Variants in TBC1D32 observed in about 807,000 individuals in gnomAD.
TBC1D32 encodes protein broad-minded.
In TBC1D32, 151 loss-of-function variants were observed where a neutral mutation model predicts 170.3. The observed-to-expected ratio is 0.89, with a 90% CI of 0.78 to 1.01. The LOEUF (loss-of-function observed/expected upper bound fraction) is 1.01, where lower values mean the gene tolerates loss of function less well. Among genes scored for constraint, TBC1D32 ranks in the 50% least tolerant of loss-of-function variants. The pLI is 0.00. For missense variants in TBC1D32, 1,464 were observed against 1,457.1 expected (o/e 1.00, Z -0.08); for synonymous variants, 498 against 488.0 (o/e 1.02, Z -0.27).
chr6:121,141,991 CT>C (rs1392503017), intron 24 of TBC1D32, among the ~76,000 whole-genome samples: 1 of 152,322 alleles, frequency 6.6e-6, no homozygotes, highest in Admixed American at 6.5e-5. Flanking sequence ...CTAAAACCGA[CT>C]TTTGATCATT....
intron 22 of TBC1D32, among the ~76,000 whole-genome samples, chr6:121,161,437 G>T (rs1167318541): frequency 6.6e-6 from 1 of 151,650 alleles, no homozygotes. Flanking sequence ...CCACTTATAA[G>T]TGAGAACATA....
intron 17 of TBC1D32, among the ~76,000 whole-genome samples, chr6:121,243,028 G>A (rs1368457975): frequency 2.0e-5 from 3 of 151,134 alleles, no homozygotes; most frequent in Non-Finnish European, 4.4e-5. Flanking sequence ...TAATGTCTTA[G>A]GAATAACCAC....
intron 22 of TBC1D32, among the ~76,000 whole-genome samples, chr6:121,185,324 G>A (rs187968102): frequency 7.1e-6 from 1 of 140,962 alleles, no homozygotes; most frequent in East Asian, 2.3e-4. Context: ...TTGTGAATGT[G>A]AGTCATATGC....
In TBC1D32 at chr6:121,275,571, G is replaced by A. The variant is rs558938657; in HGVS notation, c.1733+3550C>T. Reference sequence around the variant, plus strand: ...CAAAACAAGATCTTTCATTCATTAGGTTGCCAAAACATTTACAAACTGATT... The same window carrying A: ...CAAAACAAGATCTTTCATTCATTAGATTGCCAAAACATTTACAAACTGATT... On this transcript the variant is annotated intron_variant, in intron 15 of 31. Coordinates refer to ENST00000398212, the MANE Select transcript of TBC1D32 (RefSeq NM_152730.6). 2.0e-5 allele frequency among the ~76,000 whole-genome samples: 3 copies of A among 152,144 alleles called. No individual in the cohort carries two copies. The South Asian group carries it at 6.2e-4, about 32-fold the overall frequency.
rs142659390 is a variant in TBC1D32, at chr6:121,251,142, T to A, written c.2018+4186A>T. On this transcript the variant is annotated intron_variant, in intron 17 of 31. Coordinates refer to ENST00000398212, the MANE Select transcript of TBC1D32 (RefSeq NM_152730.6). ...ATAGGAAGAATCAATATTGTGAAAA[T>A]GGTCATACTGCCCAAAGTTATTTGA... Among the ~76,000 whole-genome samples the A allele has an allele frequency of 8.8e-3, 1,343 of 152,096 alleles. 25 individuals are homozygous for A. The highest frequency in any genetic ancestry group is 0.031 in the African/African-American group (1,270 of 41,484).
intron 4 of TBC1D32, among the ~76,000 whole-genome samples, chr6:121,308,383 G>A (rs1214923786): frequency 6.6e-6 from 1 of 151,954 alleles, no homozygotes; most frequent in Non-Finnish European, 1.5e-5. Flanking sequence ...GAGGAAGAAT[G>A]GTAGTTGAAT....
chr6:121,098,600 G>A (rs1777685676), intron 30 of TBC1D32, among the ~76,000 whole-genome samples: 1 of 152,012 alleles, frequency 6.6e-6, no homozygotes, highest in Non-Finnish European at 1.5e-5. Context: ...GCAAAACACT[G>A]TGTCAGAAAA....
At chr6:121,334,227 C>G in intron 1 of TBC1D32, 49 bp downstream of exon 1, 2 of 1,524,336 alleles carry the variant, frequency 1.3e-6, no homozygotes, top group Non-Finnish European at 1.8e-6. Context: ...TCTCTGGACC[C>G]TCTCTGGATC....
intron 22 of TBC1D32, among the ~76,000 whole-genome samples, chr6:121,202,804 T>C (rs1413861074): frequency 6.6e-6 from 1 of 151,282 alleles, no homozygotes; most frequent in Non-Finnish European, 1.5e-5. Flanking sequence ...TCATTTACAA[T>C]GTAAGATTTG....
intron 17 of TBC1D32, among the ~76,000 whole-genome samples, chr6:121,253,705 C>A (rs1014918862): frequency 1.3e-5 from 2 of 151,546 alleles, no homozygotes; most frequent in Non-Finnish European, 2.9e-5. Context: ...GGCGACAGAG[C>A]GAGATTCCGT....
chr6:121,129,126 A>G (rs1458760511), intron 25 of TBC1D32, among the ~76,000 whole-genome samples: 1 of 152,184 alleles, frequency 6.6e-6, no homozygotes, highest in Non-Finnish European at 1.5e-5. Context: ...AATGATTATA[A>G]ATTACCCAAC....
intron 15 of TBC1D32, among the ~76,000 whole-genome samples, chr6:121,269,409 G>A (rs553747196): frequency 1.3e-5 from 2 of 151,140 alleles, no homozygotes; most frequent in Non-Finnish European, 3.0e-5. Flanking sequence ...ATAAAGGGAT[G>A]GAGGAAGATC....
At position 121,080,561 on chromosome 6, in the gene TBC1D32, G is replaced by T; in HGVS notation, c.*210C>A. The T allele has an allele frequency of 1.8e-6, 1 of 567,642 alleles. No homozygotes were observed. The highest frequency in any genetic ancestry group is 3.2e-5 in the South Asian group (1 of 31,632). The allele number at this position is 567,642 out of a possible 1,614,324, so 35.2% of individuals were successfully genotyped here. On this transcript the variant is annotated 3_prime_UTR_variant, in exon 32 of 32. Coordinates refer to ENST00000398212, the MANE Select transcript of TBC1D32 (RefSeq NM_152730.6). ...TAAGAACTAAAAGTAAGCTAGATCTGATTCTATAATAACCTTACAAAACAA... is the reference window on the plus strand; with the variant it reads ...TAAGAACTAAAAGTAAGCTAGATCTTATTCTATAATAACCTTACAAAACAA...
Position 121,083,062 on chromosome 6 carries a change from A to C in TBC1D32, c.3655-2172T>G, listed in dbSNP as rs369815957. Among the ~76,000 whole-genome samples the C allele has an allele frequency of 9.2e-5, 14 of 152,052 alleles. No individual in the cohort carries two copies. The East Asian group carries it at 1.9e-3, about 21-fold the overall frequency. ...CTAAATGTTCTCTAATGGCCTTTTTAGTGGATAACTTTTACTTGTAATTAT... is the reference window on the plus strand; with the variant it reads ...CTAAATGTTCTCTAATGGCCTTTTTCGTGGATAACTTTTACTTGTAATTAT... On this transcript the variant is annotated intron_variant, in intron 31 of 31. Coordinates refer to ENST00000398212, the MANE Select transcript of TBC1D32 (RefSeq NM_152730.6).
chr6:121,203,756 T>C (rs1251877362), intron 22 of TBC1D32, among the ~76,000 whole-genome samples: 2 of 151,376 alleles, frequency 1.3e-5, no homozygotes, highest in Admixed American at 6.6e-5. Context: ...CTAACCACCA[T>C]ACTGCACTAT....
intron 20 of TBC1D32, among the ~76,000 whole-genome samples, chr6:121,234,415 T>A (rs984146700): frequency 9.2e-5 from 14 of 152,024 alleles, no homozygotes; most frequent in Non-Finnish European, 1.9e-4. Context: ...TTTTTAAAAA[T>A]TTTTTTCTTT....
At chr6:121,139,575 C>T (rs555759602) in intron 24 of TBC1D32, among the ~76,000 whole-genome samples, 6 of 151,850 alleles carry the variant, frequency 4.0e-5, no homozygotes, top group Admixed American at 3.9e-4. Flanking sequence ...AATTGTTAAA[C>T]AAAATCAGTA....
At chr6:121,233,235 G>A (rs1293150328) in intron 20 of TBC1D32, among the ~76,000 whole-genome samples, 2 of 151,942 alleles carry the variant, frequency 1.3e-5, no homozygotes, top group Non-Finnish European at 2.9e-5. Flanking sequence ...TTTGTTCTAC[G>A]GTATAGTTTA....
At chr6:121,248,285 A>T (rs952909594) in intron 17 of TBC1D32, among the ~76,000 whole-genome samples, 9 of 152,098 alleles carry the variant, frequency 5.9e-5, no homozygotes, top group African/African-American at 1.9e-4. Flanking sequence ...TAGTGACACA[A>T]CTTGTCAAAA....
Sources: allele counts gnomAD v4.1 joint callset (sites outside exome capture counted in the v4.1 genomes callset), GRCh38; gene constraint gnomAD v4.1.1; transcripts MANE v1.5; gene names NCBI Gene and HGNC (gene_info 2026-07-23, HGNC 2026-07-21).